The following SGK1 variants were observed in gnomAD, a reference collection of about 807,000 sequenced individuals.
SGK1 encodes the protein serum/glucocorticoid regulated kinase 1.
SGK1 carries 26 observed loss-of-function variants against 64.2 expected under a neutral mutation model. The ratio of observed to expected loss-of-function variants is 0.40; its 90% CI spans 0.30 to 0.56. SGK1 has a LOEUF of 0.56. Ranked by LOEUF, SGK1 falls within the 20% of genes least tolerant of loss-of-function variation. SGK1 has a pLI of 0.38. For synonymous variants in SGK1, 265 were observed against 239.7 expected, an observed-to-expected ratio of 1.11 and a Z score of -0.98; for missense variants, 519 against 645.6, an observed-to-expected ratio of 0.80 and a Z score of 2.12.
chr6:134,245,664 G>A (rs1165315400), intron 2 of SGK1, among the ~76,000 whole-genome samples: 2 of 152,172 alleles, frequency 1.3e-5, no homozygotes, highest in South Asian at 2.1e-4. Flanking sequence ...GACCAGCCTG[G>A]GCAACATAGC....
At position 134,229,023 on chromosome 6, in the gene SGK1, T is replaced by G. The variant is rs1337112983; in HGVS notation, c.286-21592A>C. Reference sequence around the variant, plus strand: ...TGCGCCCAGCTAATGTTTTGTATTTTTAGTAGAGACGGGGTTTCACCGTGG... The same window carrying G: ...TGCGCCCAGCTAATGTTTTGTATTTGTAGTAGAGACGGGGTTTCACCGTGG... On this transcript the variant is annotated intron_variant, in intron 2 of 13. Coordinates refer to ENST00000367858, the MANE Select transcript of SGK1 (RefSeq NM_001143676.3). 2.0e-5 allele frequency among the ~76,000 whole-genome samples: 3 copies of G among 152,312 alleles called. No individual in the cohort carries two copies. The East Asian group carries it at 5.8e-4, about 29-fold the overall frequency.
intron 3 of SGK1, among the ~76,000 whole-genome samples, chr6:134,206,495 CT>C (rs773086875): frequency 6.8e-6 from 1 of 146,888 alleles, no homozygotes; most frequent in Non-Finnish European, 1.5e-5. Context: ...AATCATCACA[CT>C]TATAAACGAC....
intron 10 of SGK1, 68 bp downstream of exon 10, chr6:134,172,125 T>C (rs1775047197): frequency 1.9e-6 from 3 of 1,565,042 alleles, no homozygotes; most frequent in African/African-American, 1.4e-5. Context: ...GGTAGTTAAG[T>C]GCATGATTGT....
chr6:134,204,554 CT>C (rs34485870), intron 3 of SGK1, among the ~76,000 whole-genome samples: 58,348 of 128,000 alleles, frequency 0.46, 12,778 homozygotes, highest in Non-Finnish European at 0.55. Flanking sequence ...TTTCTTGTAA[CT>C]TTTTTTTTTT....
rs1329559019 is a variant in SGK1 at position 134,218,993 on chromosome 6, T to C, written c.286-11562A>G. Among the ~76,000 whole-genome samples, 4 of 152,036 alleles carry C rather than the reference T, an allele frequency of 2.6e-5. No homozygotes were observed. In the East Asian group the frequency reaches 7.8e-4, roughly 29 times the overall value. On this transcript the variant is annotated intron_variant, in intron 2 of 13. Coordinates refer to ENST00000367858, the MANE Select transcript of SGK1 (RefSeq NM_001143676.3). ...AATGGCTGTTTTTTTGTTTTTGTTTTTGTTTTTGTGACAGAGTCTTGCTCT... is the reference window on the plus strand; with the variant it reads ...AATGGCTGTTTTTTTGTTTTTGTTTCTGTTTTTGTGACAGAGTCTTGCTCT...
At chr6:134,244,581 C>T (rs1177066406) in intron 2 of SGK1, among the ~76,000 whole-genome samples, 1 of 152,168 alleles carries the variant, frequency 6.6e-6, no homozygotes, top group Admixed American at 6.5e-5. Flanking sequence ...TCCCCGACCC[C>T]CTTGCACTTC....
intron 2 of SGK1, among the ~76,000 whole-genome samples, chr6:134,239,973 TC>T (rs1776418160): frequency 6.6e-6 from 1 of 152,000 alleles, no homozygotes; most frequent in African/African-American, 2.4e-5. Context: ...AGCGAGGACA[TC>T]AGGGCACAGA....
chr6:134,317,547 A>C lies in SGK1; in HGVS notation c.-87T>G. ...TCTGTTTCCCCGGTTTACCTCCTGCAGACAGTTAATGAAGACTGAGCGGGA... is the reference window on the plus strand; with the variant it reads ...TCTGTTTCCCCGGTTTACCTCCTGCCGACAGTTAATGAAGACTGAGCGGGA... On this transcript the variant is annotated 5_prime_UTR_variant, in exon 1 of 14. Transcript: ENST00000367858. 1.2e-6 allele frequency: 1 copy of C among 838,040 alleles called. No homozygotes were observed. The highest frequency in any genetic ancestry group is 2.1e-6 in the Non-Finnish European group (1 of 472,884). 51.9% of individuals were successfully genotyped at this position (838,040 alleles called of 1,614,324 possible). A position where few individuals can be genotyped will look rare whatever the true frequency, so the allele number is the denominator to read the frequency against.
chr6:134,191,676 T>C (rs892454674), intron 3 of SGK1, among the ~76,000 whole-genome samples: 1 of 151,408 alleles, frequency 6.6e-6, no homozygotes, highest in Non-Finnish European at 1.5e-5. Context: ...TGTTTTTGTT[T>C]TTTTTTTTTT....
At chr6:134,172,908 T>A (rs982166284) in intron 8 of SGK1, 115 bp downstream of exon 8, 1 of 1,310,320 alleles carries the variant, frequency 7.6e-7, no homozygotes, top group African/African-American at 1.5e-5. Flanking sequence ...TTGAAGGAAA[T>A]GCTAATTCTG....
At chr6:134,237,605 A>C (rs1160591790) in intron 2 of SGK1, among the ~76,000 whole-genome samples, 1 of 152,004 alleles carries the variant, frequency 6.6e-6, no homozygotes, top group African/African-American at 2.4e-5. Flanking sequence ...TGAACCCGGG[A>C]AGGCAGAGGT....
chr6:134,252,633 A>AAAAAAAAAAAC (rs1776622991), intron 2 of SGK1, among the ~76,000 whole-genome samples: 1 of 151,070 alleles, frequency 6.6e-6, no homozygotes, highest in Non-Finnish European at 1.5e-5. Flanking sequence ...AAAAAAAAAA[A>AAAAAAAAAAAC]AAAAAAAGCC....
At chr6:134,268,394 A>G (rs191640598) in intron 1 of SGK1, among the ~76,000 whole-genome samples, 1 of 152,304 alleles carries the variant, frequency 6.6e-6, no homozygotes, top group Non-Finnish European at 1.5e-5. Flanking sequence ...GTAAACAAAC[A>G]TAGACGGGGT....
intron 3 of SGK1, among the ~76,000 whole-genome samples, chr6:134,204,953 TTTTCTTTC>T (rs768830680): frequency 1.4e-5 from 2 of 142,276 alleles, no homozygotes; most frequent in Non-Finnish European, 3.0e-5. Flanking sequence ...CCCTCCCTCC[TTTTCTTTC>T]TTTCTTTCTT....
intron 3 of SGK1, among the ~76,000 whole-genome samples, chr6:134,206,297 A>G (rs1369015166): frequency 1.4e-5 from 2 of 140,288 alleles, no homozygotes; most frequent in Non-Finnish European, 3.0e-5. Context: ...ATTCCTCCCA[A>G]CACTTAAATA....
chr6:134,170,788 T>A lies in SGK1; in HGVS notation c.1413+38A>T, dbSNP rs767363190. The A allele has an allele frequency of 1.2e-5, 16 of 1,310,950 alleles. No individual in the cohort carries two copies. The South Asian group carries it at 2.0e-4, about 16-fold the overall frequency. 81.2% of individuals were successfully genotyped at this position (1,310,950 alleles called of 1,614,324 possible). Reference sequence around the variant, plus strand: ...ATTCTGAATTAAAATAAATGCCCTTTGGGCTTCTCTATACTTAGAAGAGAG... The same window carrying A: ...ATTCTGAATTAAAATAAATGCCCTTAGGGCTTCTCTATACTTAGAAGAGAG... On this transcript the variant is annotated intron_variant, in intron 13 of 13. Transcript: ENST00000367858.
intron 3 of SGK1, among the ~76,000 whole-genome samples, chr6:134,191,667 G>T (rs1282645670): frequency 5.3e-5 from 8 of 149,958 alleles, no homozygotes; most frequent in South Asian, 2.1e-4. Flanking sequence ...TTGTTTTTTT[G>T]TTTTTGTTTT....
At chr6:134,215,318 G>A (rs567363941) in intron 2 of SGK1, among the ~76,000 whole-genome samples, 66 of 151,732 alleles carry the variant, frequency 4.3e-4, no homozygotes, top group African/African-American at 1.4e-3. Flanking sequence ...GTTTCACCAT[G>A]TTGGCCAGGC....
chr6:134,204,306 G>A (rs1775733350), intron 3 of SGK1, among the ~76,000 whole-genome samples: 1 of 151,454 alleles, frequency 6.6e-6, no homozygotes, highest in Non-Finnish European at 1.5e-5. Context: ...AGTTGGTTAA[G>A]TTGGTGACTG....
Sources: allele counts gnomAD v4.1 joint callset (sites outside exome capture counted in the v4.1 genomes callset), GRCh38; gene constraint gnomAD v4.1.1; transcripts MANE v1.5; gene names NCBI Gene and HGNC (gene_info 2026-07-23, HGNC 2026-07-21).